Variants in ABR observed in about 807,000 individuals in gnomAD.
ABR encodes active breakpoint cluster region-related protein.
In ABR, 35 loss-of-function variants were observed where a neutral mutation model predicts 107.2. That is an observed-to-expected ratio of 0.33 (90% CI 0.25 to 0.43). The LOEUF (loss-of-function observed/expected upper bound fraction) is 0.43. ABR is among the 20% of genes least tolerant of loss of function. The pLI, the probability that ABR is intolerant of heterozygous loss-of-function variation, is 1.00. For synonymous variants in ABR, 498 were observed against 462.0 expected (o/e 1.08, Z -1.00); for missense variants, 815 against 1,115.2 (o/e 0.73, Z 3.83).
chr17:1,136,776 G>A (rs557881797), intron 1 of ABR, among the ~76,000 whole-genome samples: 58 of 152,274 alleles, frequency 3.8e-4, no homozygotes, highest in African/African-American at 1.1e-3. Flanking sequence ...ATTGGGCTCC[G>A]GCTCAGGGGA....
chr17:1,071,177 C>T lies in ABR; in HGVS notation c.895-1087G>A, dbSNP rs1323024608. Among the ~76,000 whole-genome samples the T allele has an allele frequency of 6.6e-6, 1 of 152,102 alleles. No individual in the cohort carries two copies. Among genetic ancestry groups the T allele is most frequent in the Admixed American group, 6.5e-5 (1 of 15,278 alleles). On this transcript the variant is annotated intron_variant, in intron 8 of 22. Coordinates refer to ENST00000302538, the MANE Select transcript of ABR (RefSeq NM_021962.5). The surrounding 1 kb of genome is among the most constrained non-coding windows in gnomAD (Gnocchi z 5.1). Reference sequence around the variant, plus strand: ...AGATTCAGTCTCAAAAAAAGGATGACTGAAAACGGAGGGTACGCTAAGCCC... The same window carrying T: ...AGATTCAGTCTCAAAAAAAGGATGATTGAAAACGGAGGGTACGCTAAGCCC...
chr17:1,224,743 T>C (rs570645664), intron 1 of ABR, among the ~76,000 whole-genome samples: 17 of 152,256 alleles, frequency 1.1e-4, no homozygotes, highest in African/African-American at 4.1e-4. Flanking sequence ...GGCACAATCA[T>C]AGCTCACTGA....
intron 1 of ABR, among the ~76,000 whole-genome samples, chr17:1,152,567 G>C (rs1374694038): frequency 1.3e-5 from 2 of 151,310 alleles, no homozygotes; most frequent in African/African-American, 4.9e-5. Flanking sequence ...CTCCAGCCTG[G>C]AGAACAAGAG....
At chr17:1,107,575 C>T (rs2038344703) in intron 2 of ABR, among the ~76,000 whole-genome samples, 1 of 152,210 alleles carries the variant, frequency 6.6e-6, no homozygotes, top group African/African-American at 2.4e-5. Flanking sequence ...GTGCTGGGGG[C>T]TTCCCAGAGG....
chr17:1,163,084 A>G lies in ABR; in HGVS notation c.61+16583T>C, dbSNP rs535038746. The stretch of plus-strand genomic sequence containing the variant: ...GAGACTCAATCTCAAAAAAAAGAAC[A>G]TGAACATTAATCTTTTGCTCCATTA... On this transcript the variant is annotated intron_variant, in intron 1 of 22. Transcript: ENST00000302538. 1.0e-3 allele frequency among the ~76,000 whole-genome samples: 159 copies of G among 152,326 alleles called. 2 individuals carry two copies. The highest frequency in any genetic ancestry group is 0.01 in the Admixed American group (158 of 15,300).
chr17:1,172,262 G>C (rs371728509), intron 1 of ABR, among the ~76,000 whole-genome samples: 84 of 152,358 alleles, frequency 5.5e-4, no homozygotes, highest in African/African-American at 1.9e-3. Flanking sequence ...AGGCAGGGGT[G>C]GGATTGGGCA....
intron 1 of ABR, chr17:1,228,292 G>C (rs913198992): frequency 1.3e-5 from 2 of 152,426 alleles, no homozygotes; most frequent in African/African-American, 2.4e-5. Context: ...CCAACACACA[G>C]AGCAGCCTGG....
rs1407966004 is a variant in ABR, at chr17:1,123,514, G to A, written c.246+1669C>T. On this transcript the variant is annotated intron_variant, in intron 2 of 22. Transcript: ENST00000302538. ...GCACCTGCCAGCACCAAAGGAATCGGAAAATCGACGGACACGGAAACCAGT... is the reference window on the plus strand; with the variant it reads ...GCACCTGCCAGCACCAAAGGAATCGAAAAATCGACGGACACGGAAACCAGT... 1.3e-5 allele frequency among the ~76,000 whole-genome samples: 2 copies of A among 152,194 alleles called. 1 individual carries two copies. The highest frequency in any genetic ancestry group is 2.9e-5 in the Non-Finnish European group (2 of 68,046).
At position 1,006,131 on chromosome 17, in the gene ABR, A is replaced by T. The variant is rs2070010819; in HGVS notation, c.2529T>A (p.Ile843=). ...TGTTCCGCTTGAGTTCTGCGAAGGA[A>T]ATGGGGGGGTGCTGCAGGTAGTAGA... is the stretch of plus-strand genomic sequence containing the variant. ...VLLYYLQHPP[I]SFAELKRNTL... Residue 843 remains isoleucine, a synonymous_variant, in exon 23 of 23, where the codon ATT becomes ATA. Transcript: ENST00000302538. The T allele has an allele frequency of 1.3e-6, 2 of 1,588,370 alleles. No individual in the cohort carries two copies. The highest frequency in any genetic ancestry group is 2.7e-5 in the African/African-American group (2 of 74,530).
intron 1 of ABR, among the ~76,000 whole-genome samples, chr17:1,195,036 G>A (rs1240223853): frequency 3.2e-4 from 47 of 145,528 alleles, no homozygotes; most frequent in African/African-American, 8.7e-4. Flanking sequence ...GGCCAGGCGC[G>A]GTGGCTCACG....
chr17:1,020,498 C>G (rs1377835763), intron 16 of ABR, among the ~76,000 whole-genome samples: 2 of 152,192 alleles, frequency 1.3e-5, no homozygotes, highest in African/African-American at 2.4e-5. Context: ...CGACCAGGTC[C>G]CCTGCGGCGA....
intron 3 of ABR, among the ~76,000 whole-genome samples, chr17:1,094,411 C>G (rs1339167144): frequency 6.6e-6 from 1 of 150,948 alleles, no homozygotes; most frequent in Non-Finnish European, 1.5e-5. Context: ...CACTCTGTCA[C>G]CCAGGCTGGA....
chr17:1,068,047 C>G (rs2034899618), intron 9 of ABR, among the ~76,000 whole-genome samples: 2 of 152,196 alleles, frequency 1.3e-5, no homozygotes, highest in Non-Finnish European at 2.9e-5. Context: ...ATTCTCCCAC[C>G]TCATTCTCCC....
intron 1 of ABR, among the ~76,000 whole-genome samples, chr17:1,139,218 G>C (rs2040195588): frequency 6.6e-6 from 1 of 152,044 alleles, no homozygotes. Context: ...AAGTGAGCTT[G>C]CTAGGCAGAA....
At chr17:1,030,497 C>A (rs1465981586) in intron 16 of ABR, among the ~76,000 whole-genome samples, 4 of 152,236 alleles carry the variant, frequency 2.6e-5, no homozygotes, top group Admixed American at 1.3e-4. Flanking sequence ...CTCTGCTAGC[C>A]CAGTCCCCAG....
chr17:1,200,083 C>T lies in ABR; in HGVS notation c.838+28710G>A, dbSNP rs2042643767. On this transcript the variant is annotated intron_variant, in intron 1 of 22. Transcript: ENST00000574139. The surrounding 1 kb of genome is among the most constrained non-coding windows in gnomAD (Gnocchi z 4.1). The stretch of plus-strand genomic sequence containing the variant: ...TCTACCTGGCTGGAAGCCACACTAT[C>T]CCTATCCAAGGGCACCCTCAGATTC... 6.6e-6 allele frequency among the ~76,000 whole-genome samples: 1 copy of T among 151,974 alleles called. No homozygotes were observed.
intron 1 of ABR, among the ~76,000 whole-genome samples, chr17:1,163,418 C>G (rs1284499807): frequency 6.6e-6 from 1 of 152,244 alleles, no homozygotes; most frequent in Non-Finnish European, 1.5e-5. Flanking sequence ...AAGCAAGTCA[C>G]AAGATGAGCA....
At chr17:1,126,901 G>A (rs775092643) in intron 1 of ABR, among the ~76,000 whole-genome samples, 21 of 152,214 alleles carry the variant, frequency 1.4e-4, no homozygotes, top group African/African-American at 2.2e-4. Flanking sequence ...GGATCGCACC[G>A]TCTGTCTCAG....
chr17:1,190,711 C>T (rs2042412717), upstream of ABR, among the ~76,000 whole-genome samples: 1 of 152,112 alleles, frequency 6.6e-6, no homozygotes, highest in African/African-American at 2.4e-5. Context: ...GGGAAGAAAG[C>T]AGTTTCTAGG....
Sources: gnomAD v4.1 joint callset for allele counts (sites outside exome capture counted in the v4.1 genomes callset) on GRCh38, gnomAD v4.1.1 for gene constraint, Gnocchi (gnomAD v3.1) non-coding constraint, MANE v1.5 for transcripts, NCBI Gene and HGNC (gene_info 2026-07-23, HGNC 2026-07-21) for gene names.